VSTM2B: variants seen among roughly 807,000 people sequenced by gnomAD.
VSTM2B encodes the protein V-set and transmembrane domain-containing protein 2B.
A neutral mutation model predicts 24.0 loss-of-function variants in VSTM2B; 24 were observed. The ratio of observed to expected loss-of-function variants is 1.00; its 90% CI spans 0.72 to 1.40. The LOEUF (loss-of-function observed/expected upper bound fraction) is 1.40, where lower values mean the gene tolerates loss of function less well. VSTM2B is among the 40% of genes most tolerant of loss of function. The pLI, the probability that VSTM2B is intolerant of heterozygous loss-of-function variation, is 0.00. For synonymous variants in VSTM2B, 226 were observed against 194.4 expected (o/e 1.16, Z -1.35); for missense variants, 399 against 416.4 (o/e 0.96, Z 0.36).
rs1234083393 is a variant in VSTM2B, at chr19:29,564,008, T to C, written c.*74T>C. Reference sequence around the variant, plus strand: ...GGGCCCTCGGTGAGGACCATGTCGCTGGATGGACACAGAGAGACTGAGAGA... The same window carrying C: ...GGGCCCTCGGTGAGGACCATGTCGCCGGATGGACACAGAGAGACTGAGAGA... On this transcript the variant is annotated 3_prime_UTR_variant, in exon 5 of 5. Transcript: ENST00000335523. 1 of 1,167,194 alleles carries C rather than the reference T, an allele frequency of 8.6e-7. No homozygotes were observed. The highest frequency in any genetic ancestry group is 1.3e-6 in the Non-Finnish European group (1 of 797,440). 72.3% of individuals were successfully genotyped at this position (1,167,194 alleles called of 1,614,324 possible).
chr19:29,529,953 G>T lies in VSTM2B; in HGVS notation c.432G>T (p.Ala144=). The T allele has an allele frequency of 6.5e-7, 1 of 1,548,856 alleles. No individual in the cohort carries two copies. The highest frequency in any genetic ancestry group is 8.7e-7 in the Non-Finnish European group (1 of 1,146,692). Residue 144 remains alanine (A), a synonymous_variant, in exon 4 of 5, where the codon GCG becomes GCT. Transcript: ENST00000335523. ...ACACGCAGGAGCACAAGGCCCAGGC[G>T]ATGCTGCGCGTGCTCTCGCGCTTCG... The part of the protein sequence containing the change: ...DDDTQEHKAQ[A]MLRVLSRFAP...
At chr19:29,556,766 T>G (rs1305565840) in intron 4 of VSTM2B, among the ~76,000 whole-genome samples, 1 of 152,132 alleles carries the variant, frequency 6.6e-6, no homozygotes, top group African/African-American at 2.4e-5. Context: ...AAATCACAAA[T>G]GAACTCCCAT....
chr19:29,546,966 G>C (rs765328004), intron 4 of VSTM2B, among the ~76,000 whole-genome samples: 57 of 152,178 alleles, frequency 3.7e-4, no homozygotes, highest in Non-Finnish European at 5.4e-4. Context: ...GGCATTCATG[G>C]GGAAGGAGAG....
At chr19:29,557,236 G>A (rs981420235) in intron 4 of VSTM2B, among the ~76,000 whole-genome samples, 7 of 152,076 alleles carry the variant, frequency 4.6e-5, no homozygotes, top group Admixed American at 6.6e-5. Flanking sequence ...TAAATAAGAC[G>A]CACATCTGCA....
At chr19:29,529,132 AGCAGTACTTCCCGAAGTCCCCACCGGGGC>A in intron 3 of VSTM2B, 1 of 985,396 alleles carries the variant, frequency 1.0e-6, no homozygotes, top group Non-Finnish European at 1.2e-6. Context: ...AGAGCCGTAG[AGCAGTACTTCCCGAAGTCCCCACCGGGGC>A]GCAGGGGAGG....
intron 4 of VSTM2B, among the ~76,000 whole-genome samples, chr19:29,534,544 G>A (rs1432958398): frequency 6.6e-6 from 1 of 152,066 alleles, no homozygotes; most frequent in Non-Finnish European, 1.5e-5. Flanking sequence ...ATGAGATCCT[G>A]TCTCTACTAA....
At chr19:29,529,054 A>C in intron 3 of VSTM2B, 1 of 985,436 alleles carries the variant, frequency 1.0e-6, no homozygotes, top group Non-Finnish European at 1.2e-6. Flanking sequence ...GAGCGTAGAA[A>C]GGCCTGGAGA....
intron 4 of VSTM2B, among the ~76,000 whole-genome samples, chr19:29,544,500 T>TGCA (rs751036115): frequency 9.1e-6 from 1 of 109,378 alleles, no homozygotes; most frequent in Non-Finnish European, 1.6e-5. Context: ...CACTCCAGCC[T>TGCA]GGGCGAAAGA....
chr19:29,528,463 GT>G lies in VSTM2B; in HGVS notation c.297+2del. The G allele has an allele frequency of 6.4e-7, 1 of 1,550,996 alleles. No individual in the cohort carries two copies. The highest frequency in any genetic ancestry group is 1.4e-5 in the African/African-American group (1 of 73,196). On this transcript the variant is annotated splice_donor_variant, in intron 3 of 4. Transcript: ENST00000335523. LOFTEE classifies it high-confidence loss of function. ...AAATAAGGATGCAACTAAAATCAGC[GT>G]AAGTGTGGAGCCCAGCGCGGGCCGC...
rs1286201413 is a variant in VSTM2B, at chr19:29,547,246, A to G, written c.770-16600A>G. Reference sequence around the variant, plus strand: ...AGTATCCATTGTTTTTCTGCAATTCAGATTCAATGGAGTGTCCTGTTTTTT... The same window carrying G: ...AGTATCCATTGTTTTTCTGCAATTCGGATTCAATGGAGTGTCCTGTTTTTT... On this transcript the variant is annotated intron_variant, in intron 4 of 4. Transcript: ENST00000335523. Among the ~76,000 whole-genome samples, 8 of 152,226 alleles carry G rather than the reference A, an allele frequency of 5.3e-5. No individual in the cohort carries two copies. In the South Asian group the frequency reaches 1.4e-3, roughly 28 times the overall value.
rs1395561191 is a variant in VSTM2B, at chr19:29,526,569, C to T, written c.-15C>T. The T allele has an allele frequency of 2.7e-6, 4 of 1,503,338 alleles. No homozygotes were observed. Among genetic ancestry groups the T allele is most frequent in the African/African-American group, 1.4e-5 (1 of 69,780 alleles). 93.1% of individuals were successfully genotyped at this position (1,503,338 alleles called of 1,614,324 possible). On this transcript the variant is annotated 5_prime_UTR_variant, in exon 1 of 5. Transcript: ENST00000335523. The surrounding 1 kb of genome is among the most constrained non-coding windows in gnomAD (Gnocchi z 4.1). Reference sequence around the variant, plus strand: ...CGCTCCCGGGCCCCCGCCGCCACCGCGCCCCCCGCGGGAGATGGAACAGCG... The same window carrying T: ...CGCTCCCGGGCCCCCGCCGCCACCGTGCCCCCCGCGGGAGATGGAACAGCG...
intron 4 of VSTM2B, among the ~76,000 whole-genome samples, chr19:29,563,568 G>A (rs1416312735): frequency 6.6e-6 from 1 of 152,134 alleles, no homozygotes; most frequent in Non-Finnish European, 1.5e-5. Flanking sequence ...TTAAAATAAG[G>A]TAATGACTTG....
At chr19:29,550,965 C>T (rs1383802547) in intron 4 of VSTM2B, among the ~76,000 whole-genome samples, 1 of 152,204 alleles carries the variant, frequency 6.6e-6, no homozygotes, top group African/African-American at 2.4e-5. Context: ...CTGCAGCTCT[C>T]TTCTAAGCCA....
At chr19:29,546,656 G>T (rs912755802) in intron 4 of VSTM2B, among the ~76,000 whole-genome samples, 1 of 152,108 alleles carries the variant, frequency 6.6e-6, no homozygotes, top group Non-Finnish European at 1.5e-5. Context: ...CAGCCTCGCC[G>T]TCCCCGCTGG....
At chr19:29,561,554 G>A (rs1048210832) in intron 4 of VSTM2B, among the ~76,000 whole-genome samples, 5 of 152,214 alleles carry the variant, frequency 3.3e-5, no homozygotes, top group Non-Finnish European at 4.4e-5. Context: ...GAACCCAGGA[G>A]ATGGAGTTTG....
At chr19:29,547,338 A>G (rs1970178301) in intron 4 of VSTM2B, among the ~76,000 whole-genome samples, 1 of 152,190 alleles carries the variant, frequency 6.6e-6, no homozygotes, top group African/African-American at 2.4e-5. Context: ...CCAACTATAA[A>G]ATAGGAGTAA....
At chr19:29,543,123 G>A (rs530316328) in intron 4 of VSTM2B, among the ~76,000 whole-genome samples, 5 of 152,270 alleles carry the variant, frequency 3.3e-5, no homozygotes, top group East Asian at 1.9e-4. Flanking sequence ...TCTTGTCCAC[G>A]TACAAATTAA....
At chr19:29,563,250 C>T (rs1214310990) in intron 4 of VSTM2B, among the ~76,000 whole-genome samples, 6 of 144,788 alleles carry the variant, frequency 4.1e-5, no homozygotes, top group African/African-American at 1.3e-4. Context: ...AGCATATTGT[C>T]TTTTTTTTTT....
chr19:29,535,664 G>A (rs1182509738), intron 4 of VSTM2B, among the ~76,000 whole-genome samples: 3 of 152,210 alleles, frequency 2.0e-5, no homozygotes, highest in South Asian at 2.1e-4. Context: ...TGACCAAAGG[G>A]GGCCGTGGGC....
Sources: gnomAD v4.1 joint callset for allele counts (sites outside exome capture counted in the v4.1 genomes callset) on GRCh38, gnomAD v4.1.1 for gene constraint, Gnocchi (gnomAD v3.1) non-coding constraint, MANE v1.5 for transcripts, NCBI Gene and HGNC (gene_info 2026-07-23, HGNC 2026-07-21) for gene names.